Variants in NKAIN2 observed in about 807,000 individuals in gnomAD.
NKAIN2 encodes the protein sodium/potassium transporting ATPase interacting 2, also known as sodium/potassium-transporting ATPase subunit beta-1-interacting protein 2.
A neutral mutation model predicts 32.6 loss-of-function variants in NKAIN2; 14 were observed. The ratio of observed to expected loss-of-function variants is 0.43; its 90% confidence interval spans 0.28 to 0.67. The LOEUF (loss-of-function observed/expected upper bound fraction) is 0.67. Ranked by LOEUF, NKAIN2 falls within the 30% of genes least tolerant of loss-of-function variation. The pLI is 0.17. For synonymous variants in NKAIN2, 80 were observed against 87.2 expected (o/e 0.92, Z 0.46); for missense variants, 198 against 258.3 (o/e 0.77, Z 1.60).
intron 1 of NKAIN2, among the ~76,000 whole-genome samples, chr6:124,201,339 A>G (rs566426562): frequency 6.6e-6 from 1 of 152,180 alleles, no homozygotes; most frequent in South Asian, 2.1e-4. Flanking sequence ...TGACCCATGA[A>G]TTAACTTTTT....
chr6:123,976,345 TC>T (rs1778599104), intron 1 of NKAIN2, among the ~76,000 whole-genome samples: 1 of 8,476 alleles, frequency 1.2e-4, no homozygotes. Context: ...ATATATATGT[TC>T]CCATATATAT....
chr6:123,870,436 C>A (rs934109668), intron 1 of NKAIN2, among the ~76,000 whole-genome samples: 2 of 152,114 alleles, frequency 1.3e-5, no homozygotes, highest in Admixed American at 1.3e-4. Context: ...GGTGAACAAG[C>A]ATTCCCACCA....
At chr6:124,127,351 C>G (rs763415628) in intron 1 of NKAIN2, among the ~76,000 whole-genome samples, 2 of 152,072 alleles carry the variant, frequency 1.3e-5, no homozygotes, top group Non-Finnish European at 2.9e-5. Context: ...CAAGATTGTT[C>G]GGAAAGAGAG....
rs532036552 is a variant in NKAIN2, at chr6:124,646,951, AAAAAACAAAAAC to A, written c.274-11218_274-11207del. ...GGGTGACAGAGGAAGACTCCGTCTCAAAAAACAAAAACAAAAACAAAAACAAAACAAAAAAAG... is the reference window on the plus strand; with the variant it reads ...GGGTGACAGAGGAAGACTCCGTCTCAAAAAACAAAAACAAAACAAAAAAAG... On this transcript the variant is annotated intron_variant, in intron 3 of 6. Coordinates refer to ENST00000368417, the MANE Select transcript of NKAIN2 (RefSeq NM_001040214.3). Among the ~76,000 whole-genome samples, 55 of 152,038 alleles carry A rather than the reference AAAAAACAAAAAC, an allele frequency of 3.6e-4. 1 individual carries two copies. The highest frequency in any genetic ancestry group is 1.2e-3 in the African/African-American group (49 of 41,404).
At chr6:124,005,182 G>A (rs140721775) in intron 1 of NKAIN2, among the ~76,000 whole-genome samples, 9 of 152,136 alleles carry the variant, frequency 5.9e-5, no homozygotes, top group South Asian at 2.1e-4. Flanking sequence ...CCGAGATCTC[G>A]CCATTGTACT....
At chr6:124,190,911 G>A (rs1789985584) in intron 1 of NKAIN2, among the ~76,000 whole-genome samples, 3 of 152,086 alleles carry the variant, frequency 2.0e-5, no homozygotes. Context: ...AGAAGGCACA[G>A]AGATTTCCCA....
chr6:124,793,108 GT>G (rs1053605442), intron 5 of NKAIN2, among the ~76,000 whole-genome samples: 73 of 152,082 alleles, frequency 4.8e-4, no homozygotes, highest in African/African-American at 1.8e-3. Flanking sequence ...GAGGATAGAT[GT>G]GCCATGAGAC....
Position 123,897,209 on chromosome 6 carries a change from T to C in NKAIN2, c.54+92955T>C, listed in dbSNP as rs563150171. On this transcript the variant is annotated intron_variant, in intron 1 of 6. Coordinates refer to ENST00000368417, the MANE Select transcript of NKAIN2 (RefSeq NM_001040214.3). Reference sequence around the variant, plus strand: ...GCTCTTAATTCTTCAGTGATCCCCATAGCCAAAAGCAAAGCATCCATACTG... The same window carrying C: ...GCTCTTAATTCTTCAGTGATCCCCACAGCCAAAAGCAAAGCATCCATACTG... 2.7e-3 allele frequency among the ~76,000 whole-genome samples: 406 copies of C among 152,278 alleles called. 2 individuals are homozygous for C. The highest frequency in any genetic ancestry group is 9.3e-3 in the African/African-American group (388 of 41,554).
chr6:123,969,008 A>G (rs1429196710), intron 1 of NKAIN2, among the ~76,000 whole-genome samples: 1 of 151,938 alleles, frequency 6.6e-6, no homozygotes, highest in Non-Finnish European at 1.5e-5. Flanking sequence ...CCCCCAGCTC[A>G]TAGTCCCCCA....
chr6:123,923,606 C>A (rs995485528), intron 1 of NKAIN2, among the ~76,000 whole-genome samples: 43 of 151,490 alleles, frequency 2.8e-4, no homozygotes, highest in African/African-American at 1.0e-3. Context: ...GAATACTATG[C>A]AGCCATAAAA....
At chr6:124,579,706 A>G (rs1304897608) in intron 3 of NKAIN2, among the ~76,000 whole-genome samples, 1 of 152,248 alleles carries the variant, frequency 6.6e-6, no homozygotes, top group Admixed American at 6.5e-5. Flanking sequence ...TTAGAGAAAG[A>G]CCAATATTCA....
At chr6:124,349,150 G>T (rs184208490) in intron 2 of NKAIN2, among the ~76,000 whole-genome samples, 130 of 152,222 alleles carry the variant, frequency 8.5e-4, no homozygotes, top group African/African-American at 2.8e-3. Context: ...ATATTGTAGG[G>T]TGAGTAGGGC....
At chr6:124,554,306 C>T (rs1303385713) in intron 3 of NKAIN2, among the ~76,000 whole-genome samples, 1 of 152,172 alleles carries the variant, frequency 6.6e-6, no homozygotes, top group Non-Finnish European at 1.5e-5. Context: ...TTTTCTGCTG[C>T]CAGTGTGGGG....
At chr6:124,123,633 CT>C in intron 1 of NKAIN2, among the ~76,000 whole-genome samples, 1 of 152,048 alleles carries the variant, frequency 6.6e-6, no homozygotes, top group East Asian at 1.9e-4. Flanking sequence ...ATGGAACCTA[CT>C]TTTGAGATTG....
intron 1 of NKAIN2, among the ~76,000 whole-genome samples, chr6:124,120,002 G>A (rs1395656962): frequency 6.6e-6 from 1 of 152,072 alleles, no homozygotes; most frequent in Admixed American, 6.6e-5. Context: ...AAGTCAGGGG[G>A]TTATTAGTAG....
chr6:124,016,841 G>A (rs529508447), intron 1 of NKAIN2, among the ~76,000 whole-genome samples: 2 of 152,106 alleles, frequency 1.3e-5, no homozygotes, highest in African/African-American at 2.4e-5. Flanking sequence ...GCCCGCCTAA[G>A]GTATGTATTG....
chr6:124,711,454 A>C (rs1345344373), intron 4 of NKAIN2, among the ~76,000 whole-genome samples: 1 of 150,862 alleles, frequency 6.6e-6, no homozygotes, highest in African/African-American at 2.4e-5. Context: ...TTTCAGGTAC[A>C]CCAGTCAGAC....
intron 1 of NKAIN2, among the ~76,000 whole-genome samples, chr6:123,918,121 A>AT (rs1449739145): frequency 6.6e-6 from 1 of 152,124 alleles, no homozygotes. Context: ...ATAATTGCAT[A>AT]TTTCATCCCT....
chr6:123,917,345 G>A (rs959570462), intron 1 of NKAIN2, among the ~76,000 whole-genome samples: 8 of 151,890 alleles, frequency 5.3e-5, no homozygotes, highest in South Asian at 2.1e-4. Flanking sequence ...GGAAGAAGCC[G>A]TTTTTTTGAA....
Sources: allele counts gnomAD v4.1 joint callset (sites outside exome capture counted in the v4.1 genomes callset), GRCh38; gene constraint gnomAD v4.1.1; transcripts MANE v1.5; gene names NCBI Gene and HGNC (gene_info 2026-07-23, HGNC 2026-07-21).